DOCK1: variants seen among roughly 807,000 people sequenced by gnomAD.
DOCK1 encodes dedicator of cytokinesis 1.
A neutral mutation model predicts 262.7 loss-of-function variants in DOCK1; 138 were observed. The observed-to-expected ratio is 0.53, with a 90% CI of 0.46 to 0.61. The LOEUF is 0.61. Ranked by LOEUF, DOCK1 falls within the 20% of genes least tolerant of loss-of-function variation. The pLI, the probability that DOCK1 is intolerant of heterozygous loss-of-function variation, is 0.00. For synonymous variants in DOCK1, 866 were observed against 867.4 expected (o/e 1.00, Z 0.03); for missense variants, 1,908 against 2,370.7 (o/e 0.80, Z 4.05).
chr10:127,082,008 G>A (rs1231573884), intron 23 of DOCK1, among the ~76,000 whole-genome samples: 1 of 152,142 alleles, frequency 6.6e-6, no homozygotes, highest in Non-Finnish European at 1.5e-5. Flanking sequence ...GTGAACATGA[G>A]CCCTGCTTTC....
At chr10:127,202,755 G>T (rs2057530601) in intron 27 of DOCK1, among the ~76,000 whole-genome samples, 1 of 152,176 alleles carries the variant, frequency 6.6e-6, no homozygotes, top group Non-Finnish European at 1.5e-5. Context: ...CCAGATAACT[G>T]GGCACTCAAT....
chr10:127,425,183 C>A (rs1392830510), intron 46 of DOCK1, among the ~76,000 whole-genome samples: 1 of 152,160 alleles, frequency 6.6e-6, no homozygotes, highest in African/African-American at 2.4e-5. Flanking sequence ...TGAGTCCAAG[C>A]CCTGGGGGGA....
At chr10:127,448,543 G>T in intron 51 of DOCK1, among the ~76,000 whole-genome samples, 1 of 152,172 alleles carries the variant, frequency 6.6e-6, no homozygotes. Flanking sequence ...GATGGAGGCG[G>T]GCGAGCGATT....
intron 10 of DOCK1, among the ~76,000 whole-genome samples, chr10:127,003,835 T>A (rs1203353310): frequency 6.6e-6 from 1 of 152,008 alleles, no homozygotes; most frequent in African/African-American, 2.4e-5. Flanking sequence ...ATGCCTGTAG[T>A]CCCAGCTATT....
intron 48 of DOCK1, among the ~76,000 whole-genome samples, chr10:127,435,323 C>A (rs2069610941): frequency 6.6e-6 from 1 of 152,136 alleles, no homozygotes; most frequent in African/African-American, 2.4e-5. Context: ...GGCATCTGGC[C>A]CCCTCAACAC....
At chr10:126,947,770 T>TTGG (rs2035639376) in intron 1 of DOCK1, among the ~76,000 whole-genome samples, 1 of 127,548 alleles carries the variant, frequency 7.8e-6, no homozygotes, top group East Asian at 2.8e-4. Context: ...AGTATTACTG[T>TTGG]TGGTGGTGAT....
chr10:127,451,052 C>G (rs1347697704), intron 51 of DOCK1, among the ~76,000 whole-genome samples: 2 of 152,126 alleles, frequency 1.3e-5, no homozygotes, highest in Non-Finnish European at 2.9e-5. Context: ...TCGATAGCAT[C>G]TAGATTTAAA....
Position 127,434,174 on chromosome 10 carries a change from T to G in DOCK1, c.5060+746T>G, listed in dbSNP as rs138778523. ...CTTTTTTTTTTTTCTTTTCCTCCCT[T>G]CCTCATTTTTTTGGAGAGCAAATGT... On this transcript the variant is annotated intron_variant, in intron 48 of 51. Transcript: ENST00000623213. Among the ~76,000 whole-genome samples, 357 of 152,162 alleles carry G rather than the reference T, an allele frequency of 2.3e-3. 1 individual carries two copies. Among genetic ancestry groups the G allele is most frequent in the South Asian group, 8.5e-3 (41 of 4,816 alleles).
intron 27 of DOCK1, among the ~76,000 whole-genome samples, chr10:127,203,490 T>G (rs766447938): frequency 1.3e-5 from 2 of 152,200 alleles, no homozygotes; most frequent in Non-Finnish European, 2.9e-5. Context: ...ATGGGTGATG[T>G]GATAACAAGC....
chr10:127,070,626 G>T (rs1231518903), intron 23 of DOCK1, among the ~76,000 whole-genome samples: 1 of 151,686 alleles, frequency 6.6e-6, no homozygotes, highest in African/African-American at 2.4e-5. Context: ...GAGTTCACTG[G>T]CAGGTCAGTG....
intron 23 of DOCK1, among the ~76,000 whole-genome samples, chr10:127,076,752 C>T (rs2135972892): frequency 6.6e-6 from 1 of 152,298 alleles, no homozygotes. Context: ...CAGGCCTGGC[C>T]TCAGCCCCAT....
intron 27 of DOCK1, chr10:127,137,443 A>C (rs1396542657): frequency 6.2e-6 from 1 of 161,244 alleles, no homozygotes; most frequent in Non-Finnish European, 1.3e-5. Flanking sequence ...TTTTCTTCTC[A>C]TTATTTAAAA....
intron 1 of DOCK1, among the ~76,000 whole-genome samples, chr10:126,923,479 C>A (rs939439047): frequency 1.3e-5 from 2 of 151,930 alleles, no homozygotes; most frequent in African/African-American, 4.8e-5. Flanking sequence ...CAAAAATTAG[C>A]CGGGTGTGGT....
chr10:126,948,648 T>A (rs2035848725), intron 1 of DOCK1, among the ~76,000 whole-genome samples: 1 of 151,906 alleles, frequency 6.6e-6, no homozygotes, highest in East Asian at 1.9e-4. Context: ...GGTTGCAGGG[T>A]CAGGTATGCT....
chr10:127,339,732 T>TGTGTGTGTGC (rs1243468884), intron 30 of DOCK1, among the ~76,000 whole-genome samples: 2 of 40,334 alleles, frequency 5.0e-5, no homozygotes, highest in Non-Finnish European at 1.4e-4. Context: ...TGTGTGTGTG[T>TGTGTGTGTGC]GTGCATGCTG....
chr10:126,948,564 G>A (rs1043448892), intron 1 of DOCK1, among the ~76,000 whole-genome samples: 206 of 151,934 alleles, frequency 1.4e-3, no homozygotes, highest in Middle Eastern at 0.01. Flanking sequence ...GGGTGGGGTC[G>A]GGATAGGCAC....
At chr10:127,129,571 G>A (rs2050179562) in intron 27 of DOCK1, among the ~76,000 whole-genome samples, 1 of 152,190 alleles carries the variant, frequency 6.6e-6, no homozygotes, top group African/African-American at 2.4e-5. Flanking sequence ...CGAGCCACCT[G>A]TTGACCCCTG....
chr10:126,968,653 G>A (rs1476885604), intron 1 of DOCK1, among the ~76,000 whole-genome samples: 1 of 152,126 alleles, frequency 6.6e-6, no homozygotes, highest in Non-Finnish European at 1.5e-5. Context: ...GATTTTTGAC[G>A]TGTTTATTTT....
At chr10:127,118,553 A>T (rs913225887) in intron 25 of DOCK1, among the ~76,000 whole-genome samples, 8 of 152,316 alleles carry the variant, frequency 5.3e-5, no homozygotes, top group African/African-American at 1.9e-4. Context: ...GAAAACATAT[A>T]TTTGACAAAC....
Sources: allele counts gnomAD v4.1 joint callset (sites outside exome capture counted in the v4.1 genomes callset), GRCh38; gene constraint gnomAD v4.1.1; transcripts MANE v1.5; gene names NCBI Gene and HGNC (gene_info 2026-07-23, HGNC 2026-07-21).